APOLD1: variants seen among roughly 807,000 people sequenced by gnomAD.
APOLD1 encodes the protein apolipoprotein L domain-containing protein 1.
A neutral mutation model predicts 15.3 loss-of-function variants in APOLD1; 22 were observed. The ratio of observed to expected loss-of-function variants is 1.44; its 90% confidence interval spans 1.03 to 2.05. APOLD1 has a LOEUF of 2.05. Among genes scored for constraint, APOLD1 ranks in the 30% most tolerant of loss-of-function variants. The pLI is 0.00. For synonymous variants in APOLD1, 190 were observed against 167.4 expected (o/e 1.13, Z -1.04); for missense variants, 394 against 353.5 (o/e 1.11, Z -0.92).
chr12:12,733,443 T>C (rs142984505), intron 1 of APOLD1, among the ~76,000 whole-genome samples: 9 of 152,324 alleles, frequency 5.9e-5, no homozygotes, highest in African/African-American at 1.7e-4. Context: ...AAAATTCACA[T>C]GTATATAGGC....
At chr12:12,784,565 G>T (rs542329407), upstream of APOLD1, among the ~76,000 whole-genome samples, 6 of 152,316 alleles carry the variant, frequency 3.9e-5, no homozygotes, top group South Asian at 8.3e-4. Flanking sequence ...AGTCATAAAG[G>T]TGGGGGATTT....
At chr12:12,762,588 C>T (rs973026921) in intron 1 of APOLD1, among the ~76,000 whole-genome samples, 2 of 151,830 alleles carry the variant, frequency 1.3e-5, no homozygotes, top group African/African-American at 4.8e-5. Context: ...CTCCTGACCT[C>T]GTGATCCATC....
At position 12,773,549 on chromosome 12, in the gene APOLD1, G is replaced by A. The variant is rs76444316; in HGVS notation, c.97-13360G>A. Among the ~76,000 whole-genome samples, 60 of 152,256 alleles carry A rather than the reference G, an allele frequency of 3.9e-4. No individual in the cohort carries two copies. The East Asian group carries it at 0.011, about 27-fold the overall frequency. On this transcript the variant is annotated intron_variant, in intron 1 of 1. Coordinates refer to the APOLD1 transcript ENST00000326765. ...TGTACTCCAGCCTAGGTGACAGACC[G>A]TGTCTGTTAAATAAATAAATGAAAA...
chr12:12,779,768 T>C (rs1056440732), intron 1 of APOLD1, among the ~76,000 whole-genome samples: 2 of 152,168 alleles, frequency 1.3e-5, no homozygotes, highest in Admixed American at 6.5e-5. Flanking sequence ...TATGTCAACA[T>C]AGACAAGTGT....
intron 1 of APOLD1, chr12:12,771,514 T>A (rs1276400360): frequency 2.0e-6 from 1 of 507,560 alleles, no homozygotes; most frequent in Non-Finnish European, 3.9e-6. Context: ...GAGATGTTAA[T>A]TATCTCATTT....
intron 1 of APOLD1, among the ~76,000 whole-genome samples, chr12:12,773,074 G>C (rs1947001028): frequency 6.6e-6 from 1 of 151,644 alleles, no homozygotes; most frequent in Non-Finnish European, 1.5e-5. Flanking sequence ...GTGATATCCT[G>C]TCTCTAAAAA....
At chr12:12,771,457 T>A in intron 1 of APOLD1, 1 of 464,620 alleles carries the variant, frequency 2.2e-6, no homozygotes, top group Non-Finnish European at 4.2e-6. Context: ...TTCAAATGCC[T>A]GGTTTCAGTG....
intron 1 of APOLD1, among the ~76,000 whole-genome samples, chr12:12,770,525 A>G (rs61913603): frequency 0.26 from 38,790 of 149,918 alleles, 5,623 homozygotes; most frequent in African/African-American, 0.37. Context: ...GGATATCTCA[A>G]GAGAAACCTC....
intron 1 of APOLD1, among the ~76,000 whole-genome samples, chr12:12,745,779 G>A (rs889791305): frequency 6.6e-6 from 1 of 152,090 alleles, no homozygotes; most frequent in African/African-American, 2.4e-5. Context: ...AGGTGGGAAG[G>A]GGGAGGAAAA....
intron 1 of APOLD1, among the ~76,000 whole-genome samples, chr12:12,750,859 T>C (rs1946807962): frequency 6.6e-6 from 1 of 152,048 alleles, no homozygotes; most frequent in Non-Finnish European, 1.5e-5. Flanking sequence ...ACTGCAGCCT[T>C]GACCTCCTGG....
At chr12:12,764,056 G>A (rs539668427) in intron 1 of APOLD1, among the ~76,000 whole-genome samples, 57 of 151,738 alleles carry the variant, frequency 3.8e-4, no homozygotes, top group Non-Finnish European at 6.3e-4. Flanking sequence ...TCTGCCTCCC[G>A]GGTTCAAACA....
intron 1 of APOLD1, among the ~76,000 whole-genome samples, chr12:12,757,937 C>CT (rs144139766): frequency 0.05 from 6,024 of 121,376 alleles, 292 homozygotes; most frequent in Admixed American, 0.08. Context: ...AATTCAATAT[C>CT]TTTTTTTTTT....
intron 1 of APOLD1, among the ~76,000 whole-genome samples, chr12:12,765,275 A>G (rs1004323749): frequency 6.6e-6 from 1 of 151,918 alleles, no homozygotes; most frequent in Non-Finnish European, 1.5e-5. Context: ...CTGGACTCGA[A>G]CTCCTGGGGT....
chr12:12,770,479 T>C (rs1322132867), intron 1 of APOLD1, among the ~76,000 whole-genome samples: 2 of 150,508 alleles, frequency 1.3e-5, no homozygotes, highest in Non-Finnish European at 2.9e-5. Flanking sequence ...TGCTTATTAG[T>C]ATACTAAACA....
intron 1 of APOLD1, among the ~76,000 whole-genome samples, chr12:12,776,003 C>CA (rs34623976): frequency 0.033 from 2,064 of 62,090 alleles, 225 homozygotes; most frequent in East Asian, 0.21. Flanking sequence ...GACCCAGTCT[C>CA]AAAAAAAAAA....
chr12:12,787,539 G>A lies in APOLD1; in HGVS notation c.634G>A (p.Ala212Thr), dbSNP rs764506337. ...CGAGAGCCTGGAGTCCTGCACCGGGGCTCTGGACGAACTCAGCGAGCAGCT... is the reference window on the plus strand; with the variant it reads ...CGAGAGCCTGGAGTCCTGCACCGGGACTCTGGACGAACTCAGCGAGCAGCT... ...LAESLESCTG[A>T]LDELSEQLES... Residue 212 changes from alanine (A) to threonine (T), a missense_variant, in exon 2 of 2, where the codon GCT (alanine) becomes ACT (threonine). Physicochemically the swap from Ala to Thr is moderately conservative, Grantham distance 58. Transcript: ENST00000356591. This position sits in a 1 kb window ranked among gnomAD's most constrained non-coding sequence, Gnocchi z 4.9. The A allele has an allele frequency of 1.9e-6, 3 of 1,613,862 alleles. No individual in the cohort carries two copies. The highest frequency in any genetic ancestry group is 3.3e-5 in the Admixed American group (2 of 60,034).
intron 1 of APOLD1, chr12:12,786,654 G>A: frequency 1.0e-6 from 1 of 985,402 alleles, no homozygotes; most frequent in South Asian, 4.7e-5. Context: ...CCCTGGGAGA[G>A]AAGCAGAAGA....
chr12:12,737,350 C>T (rs1305175798), intron 1 of APOLD1, among the ~76,000 whole-genome samples: 1 of 152,126 alleles, frequency 6.6e-6, no homozygotes, highest in Non-Finnish European at 1.5e-5. Flanking sequence ...TACGCTTTTA[C>T]AGTTGTCAGC....
At chr12:12,732,352 T>A (rs569388033) in intron 1 of APOLD1, among the ~76,000 whole-genome samples, 1 of 152,250 alleles carries the variant, frequency 6.6e-6, no homozygotes, top group Non-Finnish European at 1.5e-5. Context: ...TAATTACTGC[T>A]GTTATTACCG....
Sources: allele counts gnomAD v4.1 joint callset (sites outside exome capture counted in the v4.1 genomes callset), GRCh38; gene constraint gnomAD v4.1.1; non-coding constraint Gnocchi (gnomAD v3.1); transcripts MANE v1.5; gene names NCBI Gene and HGNC (gene_info 2026-07-23, HGNC 2026-07-21).